The following PEX7 variants were observed in gnomAD, a reference collection of about 807,000 sequenced individuals.
PEX7 encodes the protein peroxisomal biogenesis factor 7, also known as PTS2 receptor.
PEX7 carries 34 observed loss-of-function variants against 47.5 expected under a neutral mutation model. That is an observed-to-expected ratio of 0.72 (90% CI 0.54 to 0.95). The LOEUF is 0.95. Among genes scored for constraint, PEX7 ranks in the 40% least tolerant of loss-of-function variants. PEX7 has a pLI of 0.00. For synonymous variants in PEX7, 141 were observed against 148.8 expected, an observed-to-expected ratio of 0.95 and a Z score of 0.38; for missense variants, 394 against 400.3, an observed-to-expected ratio of 0.98 and a Z score of 0.13.
chr6:136,836,740 G>T (rs1229431131), intron 3 of PEX7, among the ~76,000 whole-genome samples: 2 of 151,852 alleles, frequency 1.3e-5, no homozygotes, highest in African/African-American at 4.8e-5. Flanking sequence ...GTCACTTGAG[G>T]CCAGGAGTTC....
intron 5 of PEX7, among the ~76,000 whole-genome samples, chr6:136,852,390 T>C (rs1467320568): frequency 2.2e-4 from 26 of 116,142 alleles, no homozygotes; most frequent in East Asian, 2.6e-4. Flanking sequence ...GCAGACGACA[T>C]GATTGTTTAT....
Position 136,845,622 on chromosome 6 carries a change from G to T in PEX7, c.347G>T (p.Ser116Ile), listed in dbSNP as rs1181412133. 5 of 1,598,414 alleles carry T rather than the reference G, an allele frequency of 3.1e-6. No homozygotes were observed. Among genetic ancestry groups the T allele is most frequent in the Non-Finnish European group, 3.4e-6 (4 of 1,165,862 alleles). Residue 116 changes from serine to isoleucine, a missense_variant, in exon 4 of 10, where the codon AGT becomes ATT. Coordinates refer to ENST00000318471, the MANE Select transcript of PEX7 (RefSeq NM_000288.4). ...VYKEHAQEVY[S>I]VDWSQTRGEQ... Reference sequence around the variant, plus strand: ...ACTTTTCAATGTTTTTAGGTGTATAGTGTTGATTGGAGCCAAACCAGAGGT... The same window carrying T: ...ACTTTTCAATGTTTTTAGGTGTATATTGTTGATTGGAGCCAAACCAGAGGT...
intron 6 of PEX7, among the ~76,000 whole-genome samples, chr6:136,866,984 TTGGGAAGCTGCCTTA>T (rs1253696992): frequency 6.6e-6 from 1 of 152,244 alleles, no homozygotes; most frequent in Non-Finnish European, 1.5e-5. Flanking sequence ...CTTGTTTGTT[TTGGGAAGCTGCCTTA>T]TGTAATTTTT....
chr6:136,895,959 A>G (rs535559562), intron 8 of PEX7, among the ~76,000 whole-genome samples: 2 of 152,170 alleles, frequency 1.3e-5, no homozygotes, highest in Non-Finnish European at 2.9e-5. Flanking sequence ...CATTAGCTGT[A>G]TATTAGAGCA....
chr6:136,850,998 A>ATTT (rs71009515), intron 5 of PEX7, among the ~76,000 whole-genome samples: 10 of 87,266 alleles, frequency 1.1e-4, no homozygotes, highest in Non-Finnish European at 1.5e-4. Flanking sequence ...TTTATTTTTA[A>ATTT]TTTTTTTTTT....
At chr6:136,847,939 A>G (rs1167061062) in intron 5 of PEX7, among the ~76,000 whole-genome samples, 1 of 152,208 alleles carries the variant, frequency 6.6e-6, no homozygotes, top group Non-Finnish European at 1.5e-5. Flanking sequence ...CTTGGGCAGT[A>G]TGGCCATTTT....
chr6:136,893,226 A>G (rs1294147163), intron 8 of PEX7, among the ~76,000 whole-genome samples: 1 of 150,622 alleles, frequency 6.6e-6, no homozygotes, highest in Non-Finnish European at 1.5e-5. Context: ...AAAATCCCAA[A>G]TTCTTCAAAT....
chr6:136,874,772 T>G (rs1158224997), intron 8 of PEX7, among the ~76,000 whole-genome samples: 1 of 152,146 alleles, frequency 6.6e-6, no homozygotes, highest in Non-Finnish European at 1.5e-5. Context: ...CTTTAATAAG[T>G]TCTTTGAATA....
chr6:136,822,597 C>T lies in PEX7; in HGVS notation c.-69C>T, dbSNP rs528948146. 384 of 1,403,780 alleles carry T rather than the reference C, an allele frequency of 2.7e-4. 3 individuals are homozygous for T. In the African/African-American group the frequency reaches 4.7e-3, roughly 17 times the overall value. The allele number at this position is 1,403,780 out of a possible 1,614,324, so 87.0% of individuals were successfully genotyped here. On this transcript the variant is annotated 5_prime_UTR_variant, in exon 1 of 10. Transcript: ENST00000318471. ...CCGGTCTGCCTGGTCTCTCTAACCG[C>T]GCCAGTGTGCCTCCGACTCGGAACG...
In PEX7 at chr6:136,898,123, C is replaced by T. The variant is rs768001113; in HGVS notation, c.804-19C>T. 23 of 1,445,006 alleles carry T rather than the reference C, an allele frequency of 1.6e-5. 1 individual carries two copies. Among genetic ancestry groups the T allele is most frequent in the East Asian group, 1.4e-4 (6 of 44,066 alleles). 89.5% of individuals were successfully genotyped at this position (1,445,006 alleles called of 1,614,324 possible). ...GTAGTTTTAGCATTTAAATTATTCC[C>T]TTTTATTTATCTTCACAGATTCTGG... On this transcript the variant is annotated intron_variant, in intron 8 of 9. Coordinates refer to ENST00000318471, the MANE Select transcript of PEX7 (RefSeq NM_000288.4).
chr6:136,891,964 C>T (rs1043328612), intron 8 of PEX7, among the ~76,000 whole-genome samples: 3 of 152,056 alleles, frequency 2.0e-5, no homozygotes, highest in East Asian at 1.9e-4. Context: ...TGTTACAGAT[C>T]GTAAAGTAAT....
intron 3 of PEX7, among the ~76,000 whole-genome samples, chr6:136,827,856 TG>T (rs1774225062): frequency 1.3e-5 from 2 of 152,060 alleles, no homozygotes; most frequent in Non-Finnish European, 1.5e-5. Flanking sequence ...TGTGTTTTTT[TG>T]TTGTTGTTTT....
At chr6:136,822,835 C>T in intron 1 of PEX7, 40 bp downstream of exon 1, 1 of 1,213,952 alleles carries the variant, frequency 8.2e-7, no homozygotes, top group South Asian at 3.5e-5. Flanking sequence ...GGGGCGGAGG[C>T]GGAGGCGGGG....
chr6:136,871,598 G>A (rs940351941), intron 7 of PEX7, among the ~76,000 whole-genome samples: 1 of 151,710 alleles, frequency 6.6e-6, no homozygotes, highest in African/African-American at 2.4e-5. Context: ...TCTCTCTGTC[G>A]CCGGGGCTGG....
intron 6 of PEX7, among the ~76,000 whole-genome samples, chr6:136,867,808 T>A (rs1304698736): frequency 2.0e-5 from 3 of 151,216 alleles, no homozygotes; most frequent in Non-Finnish European, 4.4e-5. Flanking sequence ...CAAAAAACTT[T>A]AAAAAAAATT....
intron 5 of PEX7, among the ~76,000 whole-genome samples, chr6:136,862,548 A>C (rs1350249213): frequency 6.6e-6 from 1 of 151,536 alleles, no homozygotes; most frequent in East Asian, 1.9e-4. Context: ...GCTAATTTTT[A>C]AATTTTTTGT....
intron 5 of PEX7, among the ~76,000 whole-genome samples, chr6:136,862,152 C>T (rs1270598535): frequency 6.7e-6 from 1 of 150,148 alleles, no homozygotes; most frequent in East Asian, 1.9e-4. Context: ...CTGCAACCTC[C>T]ACCCCTGGGG....
Position 136,900,082 on chromosome 6 carries a change from C to T in PEX7, c.903+1841C>T, listed in dbSNP as rs1443306632. On this transcript the variant is annotated intron_variant, in intron 9 of 9. Transcript: ENST00000318471. This position sits in a 1 kb window ranked among gnomAD's most constrained non-coding sequence, Gnocchi z 4.2. ...AGAACCTGTGGCAGCAGCTGCAGCG[C>T]CTCCATTTCCTCAGCTATGGCGCTT... 1.3e-5 allele frequency among the ~76,000 whole-genome samples: 2 copies of T among 152,228 alleles called. No homozygotes were observed. Among genetic ancestry groups the T allele is most frequent in the East Asian group, 3.8e-4 (2 of 5,196 alleles).
intron 8 of PEX7, among the ~76,000 whole-genome samples, chr6:136,890,221 G>C (rs1775531016): frequency 6.6e-6 from 1 of 152,178 alleles, no homozygotes; most frequent in Non-Finnish European, 1.5e-5. Flanking sequence ...ATAAAATTCA[G>C]CAGAGTCCCT....
Sources: allele counts gnomAD v4.1 joint callset (sites outside exome capture counted in the v4.1 genomes callset), GRCh38; gene constraint gnomAD v4.1.1; non-coding constraint Gnocchi (gnomAD v3.1); transcripts MANE v1.5; gene names NCBI Gene and HGNC (gene_info 2026-07-23, HGNC 2026-07-21).